The following ANKIB1 variants were observed in gnomAD, a reference collection of about 807,000 sequenced individuals.
ANKIB1 encodes ankyrin repeat and IBR domain-containing protein 1.
Under a neutral mutation model 122.1 loss-of-function variants are expected in ANKIB1, and 43 were observed. The observed-to-expected ratio is 0.35, with a 90% CI of 0.28 to 0.45. ANKIB1 has a LOEUF of 0.45. Ranked by LOEUF, ANKIB1 falls within the 20% of genes least tolerant of loss-of-function variation. The pLI, the probability that ANKIB1 is intolerant of heterozygous loss-of-function variation, is 1.00. For missense variants in ANKIB1, 992 were observed against 1,329.5 expected (o/e 0.75, Z 3.95); for synonymous variants, 390 against 442.0 (o/e 0.88, Z 1.48).
At chr7:92,275,702 T>C (rs1220705349) in intron 1 of ANKIB1, among the ~76,000 whole-genome samples, 1 of 152,104 alleles carries the variant, frequency 6.6e-6, no homozygotes. Context: ...ACAAACTAAA[T>C]GGCGAGACCT....
chr7:92,251,752 A>T (rs1801334676), intron 1 of ANKIB1, among the ~76,000 whole-genome samples: 1 of 152,158 alleles, frequency 6.6e-6, no homozygotes, highest in Non-Finnish European at 1.5e-5. Flanking sequence ...AAAAATAGGC[A>T]CTCTCTTATA....
In ANKIB1 at chr7:92,245,982, G is replaced by A. The variant is rs2131848324; in HGVS notation, c.-628G>A. On this transcript the variant is annotated 5_prime_UTR_variant, in exon 1 of 20. Transcript: ENST00000265742. ...GCGGTGAAAGAGCTTCCGGGTCGGC[G>A]GCCGGGCTGCTGCCGTTCCTGCTCC... 3 of 234,152 alleles carry A rather than the reference G, an allele frequency of 1.3e-5. No individual in the cohort carries two copies. Among genetic ancestry groups the A allele is most frequent in the Non-Finnish European group, 2.5e-5 (3 of 118,814 alleles). 14.5% of individuals were successfully genotyped at this position (234,152 alleles called of 1,614,324 possible).
At chr7:92,258,732 C>G (rs944919252) in intron 1 of ANKIB1, among the ~76,000 whole-genome samples, 1 of 151,956 alleles carries the variant, frequency 6.6e-6, no homozygotes, top group Non-Finnish European at 1.5e-5. Flanking sequence ...ATTGAATAGA[C>G]ATAGAAAAAT....
intron 9 of ANKIB1, among the ~76,000 whole-genome samples, chr7:92,358,652 C>A (rs969398271): frequency 1.4e-5 from 2 of 146,984 alleles, no homozygotes; most frequent in African/African-American, 5.0e-5. Flanking sequence ...CCAGTATTTA[C>A]CAGCGTTGAT....
intron 11 of ANKIB1, among the ~76,000 whole-genome samples, chr7:92,376,433 C>G (rs192277326): frequency 1.3e-5 from 2 of 151,556 alleles, no homozygotes; most frequent in African/African-American, 4.8e-5. Flanking sequence ...CTTTACCTTG[C>G]ACTTTTTTTT....
chr7:92,256,598 A>G (rs557582169), intron 1 of ANKIB1, among the ~76,000 whole-genome samples: 9 of 152,312 alleles, frequency 5.9e-5, no homozygotes, highest in East Asian at 1.9e-4. Flanking sequence ...TACGGCTTCT[A>G]TCTTATAAAA....
intron 1 of ANKIB1, among the ~76,000 whole-genome samples, chr7:92,260,717 T>G (rs1181750745): frequency 5.3e-5 from 8 of 152,074 alleles, no homozygotes; most frequent in African/African-American, 1.7e-4. Context: ...GTAAGGCTTT[T>G]GCTGGCTACC....
intron 1 of ANKIB1, among the ~76,000 whole-genome samples, chr7:92,265,226 A>G (rs1297912066): frequency 1.3e-5 from 2 of 152,086 alleles, no homozygotes; most frequent in African/African-American, 2.4e-5. Context: ...CGATCTTACC[A>G]TCTCCCAAAG....
intron 2 of ANKIB1, among the ~76,000 whole-genome samples, chr7:92,299,254 T>A (rs891086442): frequency 2.1e-4 from 32 of 152,224 alleles, no homozygotes; most frequent in African/African-American, 7.5e-4. Context: ...GCTTTTTATA[T>A]TGTTTAATGA....
Position 92,391,185 on chromosome 7 carries a change from C to T in ANKIB1, c.2072C>T (p.Thr691Ile). ...CTATAGACAGACCTAGAAATGGTCACTGAAGACCTTGCCCAGAAAGTCAAT... is the reference window on the plus strand; with the variant it reads ...CTATAGACAGACCTAGAAATGGTCATTGAAGACCTTGCCCAGAAAGTCAAT... ...ELMQTDLEMV[T>I]EDLAQKVNRP... The change falls in exon 16 of 20, where the codon ACT becomes ATT. Residue 691 changes from threonine to isoleucine, a missense_variant. Physicochemically the swap from Thr to Ile is moderately conservative, Grantham distance 89 (BLOSUM62 -1). Coordinates refer to ENST00000265742, the MANE Select transcript of ANKIB1 (RefSeq NM_019004.2). 5 of 1,611,610 alleles carry T rather than the reference C, an allele frequency of 3.1e-6. No homozygotes were observed. The highest frequency in any genetic ancestry group is 4.2e-6 in the Non-Finnish European group (5 of 1,178,860).
Position 92,307,496 on chromosome 7 carries a change from A to G in ANKIB1, c.326A>G (p.Asp109Gly). The change falls in exon 3 of 20, where the codon GAT becomes GGT. Residue 109 changes from aspartate (D) to glycine (G), a missense_variant. Asp to Gly is a moderately conservative substitution (Grantham distance 94). This residue lies in a region of ANKIB1 where 33 missense variants were observed against 27.5 expected (regional missense o/e 1.20). Transcript: ENST00000265742. ...LHPRLARPTE[D>G]DFRRADCLQM... ...CCTCGCTTGGCACGCCCCACAGAAG[A>G]TGATTTCAGAAGAGCAGATTGTCTG... 6.2e-7 allele frequency: 1 copy of G among 1,613,932 alleles called. No individual in the cohort carries two copies. The highest frequency in any genetic ancestry group is 8.5e-7 in the Non-Finnish European group (1 of 1,179,884).
In ANKIB1 at chr7:92,374,482, AAAAG is replaced by A. The variant is rs376549368; in HGVS notation, c.1617+2887_1617+2890del. ...AACAAGAGCAAAACTCCATATCAAAAAAAGAAAGAAAGAAATTAATAGTAAAGTT... is the reference window on the plus strand; with the variant it reads ...AACAAGAGCAAAACTCCATATCAAAAAAAGAAAGAAATTAATAGTAAAGTT... On this transcript the variant is annotated intron_variant, in intron 11 of 19. Transcript: ENST00000265742. 5.9e-5 allele frequency among the ~76,000 whole-genome samples: 9 copies of A among 152,324 alleles called. No individual in the cohort carries two copies. The South Asian group carries it at 1.9e-3, about 32-fold the overall frequency.
At chr7:92,271,777 A>G (rs1801799054) in intron 1 of ANKIB1, among the ~76,000 whole-genome samples, 1 of 152,222 alleles carries the variant, frequency 6.6e-6, no homozygotes, top group Non-Finnish European at 1.5e-5. Context: ...AGAACAAAAT[A>G]TAAAGAGATT....
chr7:92,291,638 G>A (rs911187760), intron 1 of ANKIB1, among the ~76,000 whole-genome samples: 4 of 148,676 alleles, frequency 2.7e-5, no homozygotes, highest in East Asian at 2.0e-4. Context: ...GCGCAGTGGC[G>A]TGATCTCAGC....
At chr7:92,359,474 G>A (rs1007720235) in intron 9 of ANKIB1, among the ~76,000 whole-genome samples, 12 of 152,044 alleles carry the variant, frequency 7.9e-5, no homozygotes, top group African/African-American at 2.7e-4. Context: ...TCTATCATTC[G>A]TGGACTTTTG....
At chr7:92,270,015 C>T (rs1056538067) in intron 1 of ANKIB1, among the ~76,000 whole-genome samples, 1 of 148,148 alleles carries the variant, frequency 6.8e-6, no homozygotes, top group African/African-American at 2.5e-5. Flanking sequence ...TCCAAGTGAT[C>T]TCATTGTTCA....
intron 2 of ANKIB1, among the ~76,000 whole-genome samples, chr7:92,307,096 CT>C (rs1445711148): frequency 6.6e-6 from 1 of 151,960 alleles, no homozygotes; most frequent in Non-Finnish European, 1.5e-5. Context: ...TTTTTTCTTC[CT>C]TTTCCCTTCC....
At chr7:92,308,401 AT>A (rs1367622587) in intron 3 of ANKIB1, among the ~76,000 whole-genome samples, 1 of 152,108 alleles carries the variant, frequency 6.6e-6, no homozygotes. Flanking sequence ...AAATTTATAC[AT>A]GTTAAGTATA....
chr7:92,294,834 TTTCTTTTG>T, intron 1 of ANKIB1, 47 bp from the exon 2 acceptor site: 2 of 609,210 alleles, frequency 3.3e-6, no homozygotes, highest in Non-Finnish European at 5.3e-6. Flanking sequence ...TGTGTTATTG[TTTCTTTTG>T]TGATTATTGT....
Sources: allele counts gnomAD v4.1 joint callset (sites outside exome capture counted in the v4.1 genomes callset), GRCh38; gene constraint gnomAD v4.1.1; regional missense constraint gnomAD v4.1.1; transcripts MANE v1.5; gene names NCBI Gene and HGNC (gene_info 2026-07-23, HGNC 2026-07-21).